The following ERCC6 variants were observed in gnomAD, a reference collection of about 807,000 sequenced individuals.
ERCC6 encodes ERCC excision repair 6, chromatin remodeling factor.
A neutral mutation model predicts 158.7 loss-of-function variants in ERCC6; 116 were observed. The ratio of observed to expected loss-of-function variants is 0.73; its 90% CI spans 0.63 to 0.85. The LOEUF is 0.85. ERCC6 is among the 40% of genes least tolerant of loss of function. The pLI is 0.00. For synonymous variants in ERCC6, 678 were observed against 659.3 expected (o/e 1.03, Z -0.43); for missense variants, 1,698 against 1,799.4 (o/e 0.94, Z 1.02).
chr10:49,445,498 A>C, the ERCC6 span, among the ~76,000 whole-genome samples: 6 of 152,240 alleles, frequency 3.9e-5, no homozygotes, highest in African/African-American at 1.4e-4. Flanking sequence ...TAAGAAAAGT[A>C]ACATAAAAAT....
At chr10:49,462,773 A>G (rs575970992) in intron 18 of ERCC6, among the ~76,000 whole-genome samples, 14 of 152,364 alleles carry the variant, frequency 9.2e-5, no homozygotes, top group African/African-American at 3.4e-4. Flanking sequence ...AACTTAAGAT[A>G]TCCTTTCTCA....
chr10:49,470,536 A>G lies in ERCC6; in HGVS notation c.3424T>C (p.Ser1142Pro), dbSNP rs953886944. ...SSGTGKTSMP[S>P]GDESIDEKLG... is the part of the protein sequence containing the mutation. ...TTTTCATCAATGCTTTCATCACCAG[A>G]TGGCATAGAAGTTTTGCCTGTTCCT... The change falls in exon 18 of 21, where the codon TCT becomes CCT. Residue 1142 changes from serine to proline, a missense_variant. Ser to Pro is a moderately conservative substitution (Grantham distance 74). Coordinates refer to ENST00000355832, the MANE Select transcript of ERCC6 (RefSeq NM_000124.4). 6.2e-7 allele frequency: 1 copy of G among 1,614,180 alleles called. No individual in the cohort carries two copies. The highest frequency in any genetic ancestry group is 8.5e-7 in the Non-Finnish European group (1 of 1,180,018).
chr10:49,484,240 C>G (rs1851036738), intron 8 of ERCC6, among the ~76,000 whole-genome samples: 1 of 144,830 alleles, frequency 6.9e-6, no homozygotes, highest in African/African-American at 2.6e-5. Flanking sequence ...GTGATGGCAC[C>G]ACTACACTCC....
chr10:49,512,618 A>G lies in ERCC6; in HGVS notation c.1398-6606T>C, dbSNP rs1216054845. On this transcript the variant is annotated intron_variant, in intron 5 of 20. Transcript: ENST00000355832. The stretch of plus-strand genomic sequence containing the variant: ...TTTTACTATGCCTATGATACGTTGA[A>G]CAGCCCTTATCCAAAATGCTTGGGA... Among the ~76,000 whole-genome samples, 7 of 152,356 alleles carry G rather than the reference A, an allele frequency of 4.6e-5. No individual in the cohort carries two copies. The South Asian group carries it at 1.4e-3, about 32-fold the overall frequency.
At chr10:49,522,325 C>T (rs1169046078) in intron 5 of ERCC6, among the ~76,000 whole-genome samples, 1 of 152,110 alleles carries the variant, frequency 6.6e-6, no homozygotes, top group Non-Finnish European at 1.5e-5. Context: ...CTTTCATCCC[C>T]CAAACCAAAC....
intron 19 of ERCC6, among the ~76,000 whole-genome samples, chr10:49,460,949 GT>G (rs1282173814): frequency 2.0e-5 from 3 of 151,926 alleles, no homozygotes; most frequent in Non-Finnish European, 4.4e-5. Context: ...TCAGTATCTT[GT>G]TCAAAAGATG....
chr10:49,435,387 A>G, the ERCC6 span, among the ~76,000 whole-genome samples: 5 of 152,228 alleles, frequency 3.3e-5, no homozygotes. Context: ...GTCACAGAAC[A>G]CCCAACAATC....
intron 5 of ERCC6, among the ~76,000 whole-genome samples, chr10:49,520,010 C>T (rs1837108677): frequency 6.6e-6 from 1 of 152,242 alleles, no homozygotes; most frequent in African/African-American, 2.4e-5. Flanking sequence ...TGACATACAG[C>T]ATTTAGCTAA....
chr10:49,452,913 TTTC>T (rs1268060017), downstream of ERCC6, among the ~76,000 whole-genome samples: 1 of 152,146 alleles, frequency 6.6e-6, no homozygotes, highest in Non-Finnish European at 1.5e-5. Flanking sequence ...GTTTGCACTA[TTTC>T]TTTTTGTATC....
chr10:49,469,910 G>A (rs569287064), intron 18 of ERCC6, among the ~76,000 whole-genome samples: 11 of 152,292 alleles, frequency 7.2e-5, no homozygotes, highest in Non-Finnish European at 1.6e-4. Flanking sequence ...CTAATGTTCA[G>A]GTAGTACACA....
At chr10:49,470,015 A>G (rs962962490) in intron 18 of ERCC6, among the ~76,000 whole-genome samples, 167 bp downstream of exon 18, 1 of 152,236 alleles carries the variant, frequency 6.6e-6, no homozygotes, top group Non-Finnish European at 1.5e-5. Context: ...AAGAGGTGTA[A>G]ATACGATTTT....
chr10:49,500,617 A>G lies in ERCC6; in HGVS notation c.1606T>C (p.Leu536=), dbSNP rs759447711. The G allele has an allele frequency of 5.0e-6, 8 of 1,613,824 alleles. No homozygotes were observed. Among genetic ancestry groups the G allele is most frequent in the Non-Finnish European group, 6.8e-6 (8 of 1,179,888 alleles). The change falls in exon 7 of 21, where the codon TTG becomes CTG. Residue 536 remains leucine, a synonymous_variant. Transcript: ENST00000355832. Reference sequence around the variant, plus strand: ...GCAATTATCTGGATGGTCTTGCCCAATCCCATTTCATCTCCCAGAATTCCT... The same window carrying G: ...GCAATTATCTGGATGGTCTTGCCCAGTCCCATTTCATCTCCCAGAATTCCT... ...AGGILGDEMG[L]GKTIQIIAFL...
chr10:49,454,749 A>C lies in ERCC6; in HGVS notation c.*4066T>G, dbSNP rs1476770631. Reference sequence around the variant, plus strand: ...ACAATTATATCAATATATACCAGAAAAGACTTTGAGGACAATCATTCTACC... The same window carrying C: ...ACAATTATATCAATATATACCAGAACAGACTTTGAGGACAATCATTCTACC... On this transcript the variant is annotated 3_prime_UTR_variant, in exon 21 of 21. Coordinates refer to ENST00000355832, the MANE Select transcript of ERCC6 (RefSeq NM_000124.4). 1.3e-5 allele frequency among the ~76,000 whole-genome samples: 2 copies of C among 152,168 alleles called. No individual in the cohort carries two copies. The highest frequency in any genetic ancestry group is 4.8e-5 in the African/African-American group (2 of 41,448).
chr10:49,531,359 A>C (rs1837465659), intron 2 of ERCC6, among the ~76,000 whole-genome samples: 1 of 152,226 alleles, frequency 6.6e-6, no homozygotes. Context: ...AAAACAAATC[A>C]ATTTAAAATA....
At chr10:49,528,287 G>C in intron 4 of ERCC6, 130 bp downstream of exon 4, 1 of 1,099,136 alleles carries the variant, frequency 9.1e-7, no homozygotes, top group East Asian at 2.5e-5. Context: ...TCCTAAATCT[G>C]TTTTGACACT....
At chr10:49,507,092 C>T (rs1851456801) in intron 5 of ERCC6, among the ~76,000 whole-genome samples, 1 of 152,132 alleles carries the variant, frequency 6.6e-6, no homozygotes, top group African/African-American at 2.4e-5. Context: ...ACACATGCTG[C>T]CTGGCCAAAG....
At chr10:49,520,719 T>TAGAC (rs1172153248) in intron 5 of ERCC6, among the ~76,000 whole-genome samples, 1 of 152,120 alleles carries the variant, frequency 6.6e-6, no homozygotes, top group African/African-American at 2.4e-5. Context: ...GCCCCCTGAA[T>TAGAC]AGACTACCAC....
chr10:49,449,150 C>A, the ERCC6 span, among the ~76,000 whole-genome samples: 1 of 152,158 alleles, frequency 6.6e-6, no homozygotes, highest in African/African-American at 2.4e-5. Context: ...TTGTTACTAT[C>A]TTTTTTATTT....
At chr10:49,505,304 T>C (rs1248260330) in intron 6 of ERCC6, 2 of 152,958 alleles carry the variant, frequency 1.3e-5, no homozygotes, top group African/African-American at 2.4e-5. Context: ...CACTTACACA[T>C]GAAACCTGGC....
Sources: allele counts gnomAD v4.1 joint callset (sites outside exome capture counted in the v4.1 genomes callset), GRCh38; gene constraint gnomAD v4.1.1; transcripts MANE v1.5; gene names NCBI Gene and HGNC (gene_info 2026-07-23, HGNC 2026-07-21).